The following SRSF11 variants were observed in gnomAD, a reference collection of about 807,000 sequenced individuals.
The protein encoded by SRSF11 is serine/arginine-rich splicing factor 11.
In SRSF11, 9 loss-of-function variants were observed where a neutral mutation model predicts 56.0. That is an observed-to-expected ratio of 0.16 (90% CI 0.10 to 0.28). SRSF11 has a LOEUF of 0.28. SRSF11 is among the 10% of genes least tolerant of loss of function. The probability of loss-of-function intolerance (pLI) is 1.00; values close to 1 mark genes in which losing one functional copy is unlikely to be tolerated. For missense variants in SRSF11, 421 were observed against 600.7 expected (o/e 0.70, Z 3.13); for synonymous variants, 222 against 215.3 (o/e 1.03, Z -0.27).
At chr1:70,239,132 C>G (rs1227990872) in intron 6 of SRSF11, among the ~76,000 whole-genome samples, 2 of 152,082 alleles carry the variant, frequency 1.3e-5, no homozygotes, top group African/African-American at 4.8e-5. Context: ...CACTCTGTTG[C>G]CGAGGCTGGA....
At position 70,210,274 on chromosome 1, in the gene SRSF11, A is replaced by G. The variant is rs72929214; in HGVS notation, c.-26+4494A>G. Among the ~76,000 whole-genome samples, 1,079 of 151,384 alleles carry G rather than the reference A, an allele frequency of 7.1e-3. 10 individuals carry two copies. The highest frequency in any genetic ancestry group is 0.024 in the African/African-American group (1,000 of 41,208). ...ATCCTTCTGCCTCAACCTCCTCCCC[A>G]TGCCCCCCAGTAGCTGCGACTGTAG... On this transcript the variant is annotated intron_variant, in intron 1 of 12. Coordinates refer to the SRSF11 transcript ENST00000370950.
chr1:70,211,743 T>C (rs1000108843), intron 1 of SRSF11, among the ~76,000 whole-genome samples: 1 of 152,144 alleles, frequency 6.6e-6, no homozygotes, highest in African/African-American at 2.4e-5. Context: ...AAGGTATGCA[T>C]CATCAGAGTG....
intron 5 of SRSF11, among the ~76,000 whole-genome samples, chr1:70,236,399 C>A (rs1674043513): frequency 6.8e-6 from 1 of 147,656 alleles, no homozygotes; most frequent in African/African-American, 2.5e-5. Context: ...GGCGCAAACT[C>A]AGCTCACTGC....
intron 1 of SRSF11, among the ~76,000 whole-genome samples, chr1:70,210,455 A>G (rs904743913): frequency 1.3e-5 from 2 of 152,166 alleles, no homozygotes; most frequent in Admixed American, 6.5e-5. Context: ...GCTCATGCCT[A>G]TAATTCCAGC....
intron 9 of SRSF11, chr1:70,247,120 A>G (rs1171062203): frequency 6.4e-6 from 7 of 1,085,490 alleles, no homozygotes; most frequent in Non-Finnish European, 7.1e-6. Flanking sequence ...GGTCTAGAGT[A>G]TATTTGAAGT....
intron 1 of SRSF11, among the ~76,000 whole-genome samples, chr1:70,224,036 C>G (rs900775531): frequency 1.3e-4 from 20 of 152,110 alleles, no homozygotes; most frequent in Non-Finnish European, 2.6e-4. Flanking sequence ...TTGTCATTCC[C>G]TAAACAGTAC....
In SRSF11 at chr1:70,251,462, CTGTCTT is replaced by C. The variant is rs1677937903; in HGVS notation, c.*660_*665del. 1 of 152,500 alleles carries C rather than the reference CTGTCTT, an allele frequency of 6.6e-6. No homozygotes were observed. Among genetic ancestry groups the C allele is most frequent in the Non-Finnish European group, 1.5e-5 (1 of 67,990 alleles). The allele number at this position is 152,500 out of a possible 1,614,324, so 9.4% of individuals were successfully genotyped here. ...TACAGAAACAAGATTTCAAATAAAA[CTGTCTT>C]TGGCAGTGAGTAAATAGCATATTTT... On this transcript the variant is annotated 3_prime_UTR_variant, in exon 12 of 12. Transcript: ENST00000370949.
intron 1 of SRSF11, among the ~76,000 whole-genome samples, chr1:70,207,914 T>C (rs1669202580): frequency 6.6e-6 from 1 of 151,990 alleles, no homozygotes; most frequent in Non-Finnish European, 1.5e-5. Context: ...CGAGTCTGTG[T>C]TGCCAAGGCT....
intron 7 of SRSF11, among the ~76,000 whole-genome samples, chr1:70,240,785 T>TTTTC (rs1227516995): frequency 5.3e-5 from 8 of 150,506 alleles, no homozygotes; most frequent in African/African-American, 2.0e-4. Flanking sequence ...TTTTTTTTTT[T>TTTTC]TTTTTTTGAG....
chr1:70,235,953 G>A (rs373590357), intron 5 of SRSF11, among the ~76,000 whole-genome samples: 6 of 152,244 alleles, frequency 3.9e-5, no homozygotes, highest in East Asian at 3.9e-4. Flanking sequence ...CTTTTGATAA[G>A]TGCTCTTCAT....
chr1:70,246,208 A>G (rs891173549), intron 8 of SRSF11, among the ~76,000 whole-genome samples: 2 of 151,984 alleles, frequency 1.3e-5, no homozygotes, highest in African/African-American at 4.8e-5. Flanking sequence ...TCTTGGGGAG[A>G]ATGATGATCT....
intron 1 of SRSF11, among the ~76,000 whole-genome samples, chr1:70,214,055 T>A: frequency 6.6e-6 from 1 of 152,148 alleles, no homozygotes. Context: ...ATTTACTGCA[T>A]GGGGGAAAAA....
intron 7 of SRSF11, among the ~76,000 whole-genome samples, chr1:70,242,743 G>A (rs995396867): frequency 1.3e-5 from 2 of 152,110 alleles, no homozygotes; most frequent in Non-Finnish European, 2.9e-5. Flanking sequence ...GAAAAGTGAC[G>A]GTAGTACATT....
At chr1:70,250,201 C>T (rs10489928) in intron 10 of SRSF11, 154 bp downstream of exon 10, 129,714 of 1,291,022 alleles carry the variant, frequency 0.1, 8,435 homozygotes, top group East Asian at 0.31. Context: ...CCATTAAGGA[C>T]TGAACATTTT....
At chr1:70,242,314 G>A (rs995044097) in intron 7 of SRSF11, among the ~76,000 whole-genome samples, 3 of 151,570 alleles carry the variant, frequency 2.0e-5, no homozygotes, top group Non-Finnish European at 2.9e-5. Context: ...GTAATACATC[G>A]TAACAGAAAT....
intron 2 of SRSF11, chr1:70,231,133 C>T: frequency 7.8e-7 from 1 of 1,289,634 alleles, no homozygotes; most frequent in Non-Finnish European, 1.0e-6. Flanking sequence ...ATACCAGGCC[C>T]TGCTGAAAAT....
At chr1:70,207,724 CTTTTT>C (rs202160955) in intron 1 of SRSF11, among the ~76,000 whole-genome samples, 2 of 136,490 alleles carry the variant, frequency 1.5e-5, no homozygotes. Flanking sequence ...TTCTTTCGTT[CTTTTT>C]TTTTTTTTTT....
chr1:70,243,847 A>G lies in SRSF11; in HGVS notation c.801-837A>G, dbSNP rs1452004333. On this transcript the variant is annotated intron_variant, in intron 7 of 11. Transcript: ENST00000370949. The stretch of plus-strand genomic sequence containing the variant: ...GCTGGTGGCTTGAGCCCAGGAGTTC[A>G]AGACCATCCTGGGCAACATGGCAAA... Among the ~76,000 whole-genome samples the G allele has an allele frequency of 2.0e-5, 3 of 152,280 alleles. No homozygotes were observed. The East Asian group carries it at 5.8e-4, about 29-fold the overall frequency.
At chr1:70,238,999 T>C (rs1674719426) in intron 6 of SRSF11, among the ~76,000 whole-genome samples, 1 of 152,224 alleles carries the variant, frequency 6.6e-6, no homozygotes, top group Non-Finnish European at 1.5e-5. Flanking sequence ...ACTTGTGACA[T>C]TCAAGGGTTG....
Sources: allele counts gnomAD v4.1 joint callset (sites outside exome capture counted in the v4.1 genomes callset), GRCh38; gene constraint gnomAD v4.1.1; transcripts MANE v1.5; gene names NCBI Gene and HGNC (gene_info 2026-07-23, HGNC 2026-07-21).